The following SPHKAP variants were observed in gnomAD, a reference collection of about 807,000 sequenced individuals.
The protein encoded by SPHKAP is A-kinase anchor protein SPHKAP.
SPHKAP carries 67 observed loss-of-function variants against 137.5 expected under a neutral mutation model. The observed-to-expected ratio is 0.49, with a 90% confidence interval of 0.40 to 0.60. SPHKAP has a LOEUF of 0.60. Among genes scored for constraint, SPHKAP ranks in the 20% least tolerant of loss-of-function variants. The pLI, the probability that SPHKAP is intolerant of heterozygous loss-of-function variation, is 0.00. For synonymous variants in SPHKAP, 813 were observed against 785.3 expected, an observed-to-expected ratio of 1.04 and a Z score of -0.59; for missense variants, 2,097 against 2,069.3, an observed-to-expected ratio of 1.01 and a Z score of -0.26.
Position 228,132,506 on chromosome 2 carries a change from A to T in SPHKAP, c.33-421T>A, listed in dbSNP as rs111798490. On this transcript the variant is annotated intron_variant, in intron 1 of 11. Coordinates refer to ENST00000392056, the MANE Select transcript of SPHKAP (RefSeq NM_001142644.2). ...AAAATGGAGGTAAAATATAATTTTA[A>T]TCTGGACTCAGAATAGTACCATTAA... 7.2e-5 allele frequency: 61 copies of T among 851,304 alleles called. 2 individuals are homozygous for T. In the African/African-American group the frequency reaches 9.7e-4, roughly 14 times the overall value. The allele number at this position is 851,304 out of a possible 1,614,324, so 52.7% of individuals were successfully genotyped here.
At chr2:228,160,893 C>T (rs1700254454) in intron 1 of SPHKAP, among the ~76,000 whole-genome samples, 1 of 152,090 alleles carries the variant, frequency 6.6e-6, no homozygotes, top group Admixed American at 6.5e-5. Flanking sequence ...TAAACTTGGC[C>T]CAGATAACAT....
chr2:228,110,914 CTTA>C (rs1179818081), intron 2 of SPHKAP, among the ~76,000 whole-genome samples: 1 of 151,728 alleles, frequency 6.6e-6, no homozygotes, highest in Non-Finnish European at 1.5e-5. Flanking sequence ...ATAACAAATT[CTTA>C]TTTATTTAAT....
In SPHKAP at chr2:228,002,646, C is replaced by A. The variant is rs1339405294; in HGVS notation, c.4449-6952G>T. On this transcript the variant is annotated intron_variant, in intron 7 of 11. Coordinates refer to ENST00000392056, the MANE Select transcript of SPHKAP (RefSeq NM_001142644.2). ...TTTAGACATGAAGTCCTTGCCCATG[C>A]CTATGTCCTGAATGGTATTGCCTAG... Among the ~76,000 whole-genome samples the A allele has an allele frequency of 5.3e-5, 8 of 152,286 alleles. No homozygotes were observed. The South Asian group carries it at 1.2e-3, about 24-fold the overall frequency.
chr2:228,032,419 A>T (rs973019633), intron 3 of SPHKAP, among the ~76,000 whole-genome samples: 1 of 152,206 alleles, frequency 6.6e-6, no homozygotes, highest in Admixed American at 6.5e-5. Context: ...TGTACCTGAA[A>T]CTGACGGGGA....
intron 7 of SPHKAP, among the ~76,000 whole-genome samples, chr2:228,003,386 A>G (rs562738878): frequency 1.3e-5 from 2 of 152,256 alleles, no homozygotes; most frequent in East Asian, 1.9e-4. Flanking sequence ...GTGTATAAGA[A>G]TGCTTGTGAT....
At chr2:228,043,480 C>T (rs1695924718) in intron 3 of SPHKAP, among the ~76,000 whole-genome samples, 1 of 152,130 alleles carries the variant, frequency 6.6e-6, no homozygotes, top group Admixed American at 6.6e-5. Flanking sequence ...GCACGTGCCA[C>T]CATGCCTGGC....
chr2:228,124,114 G>A (rs1466145668), intron 2 of SPHKAP, among the ~76,000 whole-genome samples: 1 of 152,018 alleles, frequency 6.6e-6, no homozygotes, highest in Non-Finnish European at 1.5e-5. Context: ...GGAGAAATAG[G>A]AACACTTTTA....
intron 1 of SPHKAP, among the ~76,000 whole-genome samples, chr2:228,165,216 C>T (rs1288224127): frequency 1.3e-5 from 2 of 151,726 alleles, no homozygotes; most frequent in Admixed American, 6.6e-5. Flanking sequence ...ATGAGTGACT[C>T]GGTAACTCTG....
intron 11 of SPHKAP, among the ~76,000 whole-genome samples, chr2:227,984,722 G>A (rs991709274): frequency 1.3e-5 from 2 of 152,148 alleles, no homozygotes; most frequent in Admixed American, 6.5e-5. Context: ...TGGAAATCTA[G>A]AAAGTAGAGT....
At chr2:228,037,864 C>G (rs1695685577) in intron 3 of SPHKAP, among the ~76,000 whole-genome samples, 1 of 152,204 alleles carries the variant, frequency 6.6e-6, no homozygotes, top group African/African-American at 2.4e-5. Flanking sequence ...TACAGTAAAT[C>G]CACTTCTTGA....
chr2:228,143,731 C>T (rs4549080), intron 1 of SPHKAP, among the ~76,000 whole-genome samples: 50,743 of 145,222 alleles, frequency 0.35, 8,956 homozygotes, highest in East Asian at 0.51. Context: ...ATCTCGAACT[C>T]CTGACCTCAG....
chr2:228,096,561 A>G (rs1167872957), intron 3 of SPHKAP, among the ~76,000 whole-genome samples: 1 of 151,442 alleles, frequency 6.6e-6, no homozygotes, highest in African/African-American at 2.4e-5. Context: ...TTTCTATCTG[A>G]GTTTGGTTGA....
chr2:228,043,015 T>A (rs1169878461), intron 3 of SPHKAP, among the ~76,000 whole-genome samples: 1 of 152,174 alleles, frequency 6.6e-6, no homozygotes, highest in Non-Finnish European at 1.5e-5. Flanking sequence ...ACTACATACA[T>A]GAAATTACAA....
intron 1 of SPHKAP, among the ~76,000 whole-genome samples, chr2:228,168,212 C>T (rs1700476890): frequency 6.6e-6 from 1 of 152,038 alleles, no homozygotes; most frequent in Non-Finnish European, 1.5e-5. Context: ...TCCAACTTGC[C>T]ACAAGAAAAT....
chr2:228,090,656 G>A (rs974982733), intron 3 of SPHKAP, among the ~76,000 whole-genome samples: 2 of 152,150 alleles, frequency 1.3e-5, no homozygotes, highest in African/African-American at 4.8e-5. Context: ...GTTTTGGTTT[G>A]GGGGCAGATT....
At position 228,019,238 on chromosome 2, in the gene SPHKAP, T is replaced by C. The variant is rs1694740891; in HGVS notation, c.1616A>G (p.Gln539Arg). ...AGGTTCCTTGAGTCCTTGGGGTGCT[T>C]GAGTTTGCAGTGCACCACTGCTCCC... ...PPGSSGALQTQAPQGLKEPSI... is the reference protein window; with the variant it reads ...PPGSSGALQTRAPQGLKEPSI... The change falls in exon 7 of 12, where the codon CAA becomes CGA. Residue 539 changes from glutamine to arginine, a missense_variant. Coordinates refer to ENST00000392056, the MANE Select transcript of SPHKAP (RefSeq NM_001142644.2). 6.2e-7 allele frequency: 1 copy of C among 1,613,902 alleles called. No homozygotes were observed. The highest frequency in any genetic ancestry group is 1.7e-5 in the Admixed American group (1 of 60,032).
chr2:227,981,967 G>T, intron 11 of SPHKAP, 107 bp from the exon 12 acceptor site: 1 of 1,399,066 alleles, frequency 7.1e-7, no homozygotes, highest in South Asian at 1.8e-5. Flanking sequence ...CTGTTTAAAT[G>T]TCTCTAGTGT....
Position 227,980,902 on chromosome 2 carries a change from ATAT to A in SPHKAP, c.*812_*814del, listed in dbSNP as rs1326850719. 6.6e-6 allele frequency: 1 copy of A among 152,246 alleles called. No individual in the cohort carries two copies. Among genetic ancestry groups the A allele is most frequent in the East Asian group, 1.9e-4 (1 of 5,204 alleles). The allele number at this position is 152,246 out of a possible 1,614,324, so 9.4% of individuals were successfully genotyped here. On this transcript the variant is annotated 3_prime_UTR_variant, in exon 12 of 12. Transcript: ENST00000392056. ...AAAATAAAGTGAAAGTTTGTATTTC[ATAT>A]TATTCAAGACACAAGCAGATTTTAT... is the stretch of plus-strand genomic sequence containing the variant.
chr2:228,042,598 T>A (rs1454949212), intron 3 of SPHKAP, among the ~76,000 whole-genome samples: 2 of 152,134 alleles, frequency 1.3e-5, no homozygotes, highest in East Asian at 3.8e-4. Flanking sequence ...ATAAATAGAA[T>A]AATATGTAGT....
Sources: allele counts gnomAD v4.1 joint callset (sites outside exome capture counted in the v4.1 genomes callset), GRCh38; gene constraint gnomAD v4.1.1; transcripts MANE v1.5; gene names NCBI Gene and HGNC (gene_info 2026-07-23, HGNC 2026-07-21).